Variants in DIP2C observed in about 807,000 individuals in gnomAD.
DIP2C encodes the protein disco-interacting protein 2 homolog C.
In DIP2C, 33 loss-of-function variants were observed where a neutral mutation model predicts 192.4. The observed-to-expected ratio is 0.17, with a 90% CI of 0.13 to 0.23. The LOEUF is 0.23. Ranked by LOEUF, DIP2C falls within the 10% of genes least tolerant of loss-of-function variation. DIP2C has a pLI of 1.00. For missense variants in DIP2C, 1,537 were observed against 2,110.1 expected, an observed-to-expected ratio of 0.73 and a Z score of 5.32; for synonymous variants, 979 against 864.1, an observed-to-expected ratio of 1.13 and a Z score of -2.33.
intron 1 of DIP2C, among the ~76,000 whole-genome samples, chr10:496,263 C>T (rs1844825889): frequency 6.6e-6 from 1 of 150,796 alleles, no homozygotes; most frequent in African/African-American, 2.5e-5. Context: ...GCATGCCCTC[C>T]CGTGTACTTA....
At chr10:281,947 T>C (rs1031659735) in intron 35 of DIP2C, 19 of 152,244 alleles carry the variant, frequency 1.2e-4, no homozygotes, top group African/African-American at 2.7e-4. Context: ...TAAGGAAATA[T>C]GTCCTAAATT....
chr10:640,181 G>A (rs934771942), intron 1 of DIP2C, among the ~76,000 whole-genome samples: 4 of 152,250 alleles, frequency 2.6e-5, no homozygotes, highest in Non-Finnish European at 4.4e-5. Context: ...ACCTCCCACA[G>A]GTGGCAAGTG....
intron 4 of DIP2C, among the ~76,000 whole-genome samples, chr10:439,158 C>T (rs1967514984): frequency 6.6e-6 from 1 of 152,158 alleles, no homozygotes; most frequent in South Asian, 2.1e-4. Flanking sequence ...TAATTACGTG[C>T]TGTTGCTTAA....
In DIP2C at chr10:376,125, C is replaced by T. The variant is rs188567325; in HGVS notation, c.1992-6492G>A. Among the ~76,000 whole-genome samples the T allele has an allele frequency of 3.7e-3, 557 of 152,344 alleles. 3 individuals carry two copies. The highest frequency in any genetic ancestry group is 0.012 in the African/African-American group (507 of 41,568). ...TGTATGAACCCACTCAATGCTCACA[C>T]GGGCCTCTGACGTAGCTAACTGCTG... On this transcript the variant is annotated intron_variant, in intron 17 of 36. Coordinates refer to ENST00000280886, the MANE Select transcript of DIP2C (RefSeq NM_014974.3).
chr10:575,580 T>C (rs1043172440), intron 1 of DIP2C, among the ~76,000 whole-genome samples: 2 of 152,206 alleles, frequency 1.3e-5, no homozygotes, highest in African/African-American at 4.8e-5. Context: ...GTGTGATCCT[T>C]GCAAAAACAT....
chr10:295,728 G>C (rs1955722597), intron 32 of DIP2C, among the ~76,000 whole-genome samples: 1 of 151,940 alleles, frequency 6.6e-6, no homozygotes, highest in Non-Finnish European at 1.5e-5. Flanking sequence ...AGCCACTATG[G>C]AGAGCAGTAT....
intron 1 of DIP2C, among the ~76,000 whole-genome samples, chr10:548,217 C>CG (rs1554897848): frequency 2.3e-5 from 3 of 129,732 alleles, no homozygotes; most frequent in South Asian, 3.2e-4. Context: ...CACCCCCCCC[C>CG]CCACAGGAAA....
intron 1 of DIP2C, among the ~76,000 whole-genome samples, chr10:561,567 C>T (rs940597061): frequency 6.6e-6 from 1 of 152,170 alleles, no homozygotes; most frequent in Non-Finnish European, 1.5e-5. Context: ...TGGGAACAGT[C>T]GGAACAGGAT....
At chr10:384,983 C>G (rs1369898224) in intron 14 of DIP2C, among the ~76,000 whole-genome samples, 2 of 150,024 alleles carry the variant, frequency 1.3e-5, no homozygotes, top group Admixed American at 1.3e-4. Flanking sequence ...CCACAGACAC[C>G]AGGCTGCAAG....
chr10:564,339 C>T (rs1366090403), intron 1 of DIP2C, among the ~76,000 whole-genome samples: 3 of 152,136 alleles, frequency 2.0e-5, no homozygotes, highest in Non-Finnish European at 2.9e-5. Context: ...CCACAGATCA[C>T]CCTCCCCACA....
intron 10 of DIP2C, among the ~76,000 whole-genome samples, chr10:397,354 A>G (rs1964068994): frequency 6.6e-6 from 1 of 151,926 alleles, no homozygotes; most frequent in African/African-American, 2.4e-5. Flanking sequence ...ACGTAACAAA[A>G]CCTCATCTCT....
At chr10:445,805 C>CA (rs1968139424) in intron 3 of DIP2C, among the ~76,000 whole-genome samples, 1 of 149,042 alleles carries the variant, frequency 6.7e-6, no homozygotes, top group African/African-American at 2.5e-5. Context: ...AAGAGTCTCA[C>CA]GGTCCACTGG....
intron 4 of DIP2C, among the ~76,000 whole-genome samples, chr10:434,198 ACT>A (rs1966988058): frequency 6.6e-6 from 1 of 152,226 alleles, no homozygotes; most frequent in South Asian, 2.1e-4. Context: ...AATCAAATAC[ACT>A]GTCGCTATTA....
chr10:394,247 G>A (rs72772864), intron 10 of DIP2C, among the ~76,000 whole-genome samples: 29 of 145,994 alleles, frequency 2.0e-4, no homozygotes, highest in Non-Finnish European at 3.6e-4. Context: ...GAGGGAAGCC[G>A]GGCCTGTGCT....
At chr10:632,211 T>G (rs1854558877) in intron 1 of DIP2C, among the ~76,000 whole-genome samples, 1 of 152,220 alleles carries the variant, frequency 6.6e-6, no homozygotes, top group Non-Finnish European at 1.5e-5. Flanking sequence ...AAAGGAAGAA[T>G]TCGCGGTGGC....
At chr10:478,780 T>C (rs1843369066) in intron 2 of DIP2C, among the ~76,000 whole-genome samples, 1 of 151,918 alleles carries the variant, frequency 6.6e-6, no homozygotes, top group African/African-American at 2.4e-5. Flanking sequence ...TGTCCAGGCG[T>C]GCAGATACAT....
intron 1 of DIP2C, among the ~76,000 whole-genome samples, chr10:627,096 C>G (rs1854250685): frequency 6.6e-6 from 1 of 152,234 alleles, no homozygotes; most frequent in African/African-American, 2.4e-5. Flanking sequence ...GGAGGAAAAT[C>G]CGCGTGGGGC....
At chr10:616,229 G>A (rs568914608) in intron 1 of DIP2C, among the ~76,000 whole-genome samples, 1 of 152,268 alleles carries the variant, frequency 6.6e-6, no homozygotes, top group East Asian at 1.9e-4. Context: ...TTGTAATCTG[G>A]ACCGCAATCC....
At chr10:310,167 A>C in intron 31 of DIP2C, 75 bp from the exon 32 acceptor site, 1 of 1,344,930 alleles carries the variant, frequency 7.4e-7, no homozygotes, top group Non-Finnish European at 1.1e-6. Context: ...ACTAGTTAGG[A>C]AACATTTCTT....
Sources: allele counts gnomAD v4.1 joint callset (sites outside exome capture counted in the v4.1 genomes callset), GRCh38; gene constraint gnomAD v4.1.1; transcripts MANE v1.5; gene names NCBI Gene and HGNC (gene_info 2026-07-23, HGNC 2026-07-21).